SMIM45: variants seen among roughly 807,000 people sequenced by gnomAD.
SMIM45 encodes long intergenic non-protein coding RNA 634.
chr22:41,953,700 C>T, the SMIM45 span, among the ~76,000 whole-genome samples: 1 of 147,276 alleles, frequency 6.8e-6, no homozygotes, highest in Non-Finnish European at 1.5e-5. Context: ...GGCCCTGCAT[C>T]ATCCTGTCCC....
chr22:41,957,060 T>G, the SMIM45 span, among the ~76,000 whole-genome samples: 1 of 151,512 alleles, frequency 6.6e-6, no homozygotes, highest in South Asian at 2.1e-4. Context: ...GGATTACAGG[T>G]GTGAGCCACT....
the SMIM45 span, among the ~76,000 whole-genome samples, chr22:41,956,093 T>G: frequency 6.6e-6 from 1 of 151,392 alleles, no homozygotes; most frequent in Non-Finnish European, 1.5e-5. Flanking sequence ...CACTGCAGCC[T>G]CCATCTCCCA....
the SMIM45 span, among the ~76,000 whole-genome samples, chr22:41,956,820 G>A: frequency 6.6e-6 from 1 of 152,222 alleles, no homozygotes; most frequent in Non-Finnish European, 1.5e-5. Flanking sequence ...TGGTTAAGTC[G>A]CTCTGTTGCC....
At chr22:41,948,191 T>C in the SMIM45 span, among the ~76,000 whole-genome samples, 9 of 152,234 alleles carry the variant, frequency 5.9e-5, no homozygotes, top group Non-Finnish European at 1.0e-4. Flanking sequence ...AGAGACTTTG[T>C]CACTTTGTAT....
At chr22:41,952,989 C>G in the SMIM45 span, among the ~76,000 whole-genome samples, 1 of 152,200 alleles carries the variant, frequency 6.6e-6, no homozygotes, top group Non-Finnish European at 1.5e-5. Context: ...ACCAGACAAT[C>G]CTGCACTCTC....
At chr22:41,958,339 G>A in the SMIM45 span, 3 of 456,542 alleles carry the variant, frequency 6.6e-6, no homozygotes, top group African/African-American at 4.0e-5. Flanking sequence ...CCAACCCAAG[G>A]AAAGAACCTA....
chr22:41,953,316 C>T, the SMIM45 span, among the ~76,000 whole-genome samples: 2 of 152,154 alleles, frequency 1.3e-5, no homozygotes, highest in African/African-American at 4.8e-5. Context: ...AGAGTGAGGG[C>T]TTCTCTCCGA....
the SMIM45 span, among the ~76,000 whole-genome samples, chr22:41,953,539 G>A: frequency 2.6e-5 from 4 of 152,288 alleles, no homozygotes; most frequent in African/African-American, 9.6e-5. Flanking sequence ...TTCTTCATCT[G>A]TAAAATGTGG....
At chr22:41,958,551 T>G in the SMIM45 span, 1 of 357,620 alleles carries the variant, frequency 2.8e-6, no homozygotes, top group South Asian at 2.1e-5. Context: ...GATGTGTATA[T>G]GTGAGAGAGA....
the SMIM45 span, among the ~76,000 whole-genome samples, chr22:41,957,510 G>A: frequency 3.9e-5 from 6 of 152,036 alleles, no homozygotes; most frequent in Non-Finnish European, 7.4e-5. Context: ...CTACCACGTG[G>A]TCTTGATCAG....
At chr22:41,947,176 T>G in the SMIM45 span, 1 of 1,163,470 alleles carries the variant, frequency 8.6e-7, no homozygotes, top group Non-Finnish European at 1.3e-6. Context: ...ACGTGCCTCC[T>G]TATAGGCGGG....
At chr22:41,947,454 G>A in the SMIM45 span, among the ~76,000 whole-genome samples, 1 of 148,420 alleles carries the variant, frequency 6.7e-6, no homozygotes, top group African/African-American at 2.5e-5. Context: ...TGCAACTTCT[G>A]CCTCCCGAGT....
chr22:41,949,052 C>T, the SMIM45 span, among the ~76,000 whole-genome samples: 1 of 151,116 alleles, frequency 6.6e-6, no homozygotes, highest in African/African-American at 2.4e-5. Context: ...GCAACAAGAG[C>T]GAAACTCCAT....
the SMIM45 span, among the ~76,000 whole-genome samples, chr22:41,952,750 C>T: frequency 1.3e-5 from 2 of 152,208 alleles, no homozygotes; most frequent in African/African-American, 4.8e-5. Context: ...GTGCACAGGG[C>T]TGGAGAGGTT....
chr22:41,948,848 A>G, the SMIM45 span, among the ~76,000 whole-genome samples: 5 of 152,178 alleles, frequency 3.3e-5, no homozygotes, highest in Non-Finnish European at 7.3e-5. Context: ...GGATCACCTG[A>G]CATCAGGAGT....
At chr22:41,953,454 G>T in the SMIM45 span, among the ~76,000 whole-genome samples, 4 of 152,216 alleles carry the variant, frequency 2.6e-5, no homozygotes, top group Non-Finnish European at 5.9e-5. Flanking sequence ...GGCATCGCTG[G>T]GGTTTGGCGT....
At chr22:41,951,870 G>A in the SMIM45 span, among the ~76,000 whole-genome samples, 57 of 152,078 alleles carry the variant, frequency 3.7e-4, no homozygotes, top group Non-Finnish European at 7.5e-4. Context: ...CTCCCCAAAT[G>A]GCAGACCATC....
At chr22:41,956,295 G>A in the SMIM45 span, among the ~76,000 whole-genome samples, 63 of 152,292 alleles carry the variant, frequency 4.1e-4, no homozygotes, top group African/African-American at 1.5e-3. Flanking sequence ...ACAGGCATGA[G>A]CCACCACGTC....
the SMIM45 span, among the ~76,000 whole-genome samples, chr22:41,955,264 C>T: frequency 2.0e-5 from 3 of 151,662 alleles, no homozygotes; most frequent in Non-Finnish European, 4.4e-5. Context: ...CACTGGAACT[C>T]CACCTCCTGG....
Sources: allele counts gnomAD v4.1 joint callset (sites outside exome capture counted in the v4.1 genomes callset), GRCh38; gene constraint gnomAD v4.1.1; transcripts MANE v1.5; gene names NCBI Gene and HGNC (gene_info 2026-07-23, HGNC 2026-07-21).